Variants in SLC25A24 observed in about 807,000 individuals in gnomAD.
SLC25A24 encodes the protein mitochondrial adenyl nucleotide antiporter SLC25A24.
Under a neutral mutation model 60.7 loss-of-function variants are expected in SLC25A24, and 49 were observed. That is an observed-to-expected ratio of 0.81 (90% CI 0.64 to 1.02). The LOEUF is 1.02. SLC25A24 is among the 50% of genes least tolerant of loss of function. SLC25A24 has a pLI of 0.00. For missense variants in SLC25A24, 564 were observed against 586.3 expected, an observed-to-expected ratio of 0.96 and a Z score of 0.39; for synonymous variants, 202 against 200.6, an observed-to-expected ratio of 1.01 and a Z score of -0.06.
At chr1:108,142,720 A>G (rs1386330791) in intron 8 of SLC25A24, among the ~76,000 whole-genome samples, 1 of 152,196 alleles carries the variant, frequency 6.6e-6, no homozygotes, top group South Asian at 2.1e-4. Flanking sequence ...TGTGAATGTA[A>G]TTAATGCCAC....
At chr1:108,140,547 A>G (rs1160942306) in intron 8 of SLC25A24, among the ~76,000 whole-genome samples, 1 of 152,126 alleles carries the variant, frequency 6.6e-6, no homozygotes, top group Non-Finnish European at 1.5e-5. Flanking sequence ...TCAAAAACAA[A>G]ATTTAAACAG....
At chr1:108,145,427 T>G (rs1679559578) in intron 7 of SLC25A24, among the ~76,000 whole-genome samples, 1 of 152,216 alleles carries the variant, frequency 6.6e-6, no homozygotes, top group Non-Finnish European at 1.5e-5. Context: ...TTAGATCCCA[T>G]TTGTCAATTT....
intron 2 of SLC25A24, among the ~76,000 whole-genome samples, chr1:108,184,845 T>C (rs1648062538): frequency 6.6e-6 from 1 of 152,188 alleles, no homozygotes; most frequent in Non-Finnish European, 1.5e-5. Context: ...TCTCAATCTA[T>C]TTGTTTAACC....
In SLC25A24 at chr1:108,143,506, C is replaced by T. The variant is rs201353817; in HGVS notation, c.1098+37G>A. 230 of 1,564,156 alleles carry T rather than the reference C, an allele frequency of 1.5e-4. No individual in the cohort carries two copies. In the South Asian group the frequency reaches 1.5e-3, roughly 10 times the overall value. ...AAAGTCCAATTCTAACAAGATCTAA[C>T]TGCATTTTCCAATTCAAAAGATTTC... On this transcript the variant is annotated intron_variant, in intron 8 of 9. Transcript: ENST00000565488.
chr1:108,178,855 C>T (rs1647809254), intron 3 of SLC25A24, among the ~76,000 whole-genome samples: 1 of 151,786 alleles, frequency 6.6e-6, no homozygotes. Context: ...AGAGGTGCTT[C>T]AGCAAATTCA....
At chr1:108,141,777 C>T (rs557427843) in intron 8 of SLC25A24, among the ~76,000 whole-genome samples, 2 of 152,158 alleles carry the variant, frequency 1.3e-5, no homozygotes, top group Admixed American at 1.3e-4. Flanking sequence ...AGAAATACCA[C>T]ATGATTTCAC....
intron 1 of SLC25A24, among the ~76,000 whole-genome samples, chr1:108,197,163 C>A (rs1648521678): frequency 6.6e-6 from 1 of 152,104 alleles, no homozygotes; most frequent in East Asian, 1.9e-4. Flanking sequence ...CAGGACTTGC[C>A]TTGAATTCTT....
intron 3 of SLC25A24, among the ~76,000 whole-genome samples, chr1:108,170,765 A>G (rs1425448801): frequency 2.0e-5 from 3 of 151,952 alleles, no homozygotes; most frequent in Non-Finnish European, 4.4e-5. Context: ...TTTCAGTAAG[A>G]CTTTTATTTT....
chr1:108,163,705 G>A (rs1680160121), intron 3 of SLC25A24, among the ~76,000 whole-genome samples: 1 of 151,370 alleles, frequency 6.6e-6, no homozygotes, highest in Admixed American at 6.6e-5. Context: ...AGACAATGGG[G>A]TTTTCTATAT....
Position 108,193,962 on chromosome 1 carries a change from A to G in SLC25A24, c.183+5994T>C, listed in dbSNP as rs1043422496. Among the ~76,000 whole-genome samples the G allele has an allele frequency of 2.2e-5, 3 of 139,460 alleles. 1 individual carries two copies. The highest frequency in any genetic ancestry group is 4.7e-5 in the Non-Finnish European group (3 of 63,718). The allele number at this position is 139,460 out of a possible 152,430, so 91.5% of individuals were successfully genotyped here. A position where few individuals can be genotyped will look rare whatever the true frequency, so the allele number is the denominator to read the frequency against. On this transcript the variant is annotated intron_variant, in intron 1 of 9. Transcript: ENST00000565488. ...CAACACCTGTGCTCCCTCATCCTGC[A>G]CCACTGGGAATATGGAGGTGCAGTT...
chr1:108,200,280 G>T lies in SLC25A24; in HGVS notation c.-142C>A, dbSNP rs1004179520. ...GGGGCGCCGTCGGGGTTGCGGCTGC[G>T]GCGCGCAGGGCGCAGGGCGCAGGAG... On this transcript the variant is annotated 5_prime_UTR_variant, in exon 1 of 10. Coordinates refer to ENST00000565488, the MANE Select transcript of SLC25A24 (RefSeq NM_013386.5). The T allele has an allele frequency of 1.4e-6, 1 of 703,104 alleles. No homozygotes were observed. 43.6% of individuals were successfully genotyped at this position (703,104 alleles called of 1,614,324 possible).
chr1:108,155,104 A>G lies in SLC25A24; in HGVS notation c.701T>C (p.Ile234Thr), dbSNP rs931596898. The G allele has an allele frequency of 5.0e-6, 8 of 1,611,626 alleles. No individual in the cohort carries two copies. The highest frequency in any genetic ancestry group is 6.8e-6 in the Non-Finnish European group (8 of 1,178,992). Residue 234 changes from isoleucine (I) to threonine (T), a missense_variant, in exon 6 of 10, where the codon ATA becomes ACA. Physicochemically the swap from Ile to Thr is moderately conservative, Grantham distance 89. Coordinates refer to ENST00000565488, the MANE Select transcript of SLC25A24 (RefSeq NM_013386.5). ...VHGSKSDKMNIFGGFRQMVKE... is the reference protein window; with the variant it reads ...VHGSKSDKMNTFGGFRQMVKE... ...TACCATCTGTCGAAAGCCACCAAAT[A>G]TGTTCATTTTGTCTGATTTTGAACC...
chr1:108,179,068 A>C (rs1647816096), intron 3 of SLC25A24, among the ~76,000 whole-genome samples: 1 of 151,824 alleles, frequency 6.6e-6, no homozygotes, highest in South Asian at 2.1e-4. Context: ...TCAAATAAAC[A>C]ACCAAAAAAC....
Position 108,139,168 on chromosome 1 carries a change from G to C in SLC25A24, c.1139C>G (p.Ser380Cys), listed in dbSNP as rs748864382. 77 of 1,608,526 alleles carry C rather than the reference G, an allele frequency of 4.8e-5. No individual in the cohort carries two copies. Among genetic ancestry groups the C allele is most frequent in the Non-Finnish European group, 6.5e-5 (77 of 1,177,534 alleles). ...SYWLDNFAKD[S>C]VNPGVMVLLG... is the part of the protein sequence containing the mutation. The stretch of plus-strand genomic sequence containing the variant: ...CAACACCATGACTCCAGGGTTTACA[G>C]AATCTTTTGCAAAATTATCCAGCCA... The change falls in exon 9 of 10, where the codon TCT (serine) becomes TGT (cysteine). Residue 380 changes from serine to cysteine, a missense_variant. By Grantham distance (112) the Ser-to-Cys change is moderately radical. Coordinates refer to ENST00000565488, the MANE Select transcript of SLC25A24 (RefSeq NM_013386.5).
At chr1:108,190,188 G>A (rs1424304496) in intron 1 of SLC25A24, among the ~76,000 whole-genome samples, 2 of 152,158 alleles carry the variant, frequency 1.3e-5, no homozygotes, top group Non-Finnish European at 2.9e-5. Flanking sequence ...TGAGAAAAAG[G>A]GAAGGCTTCA....
At chr1:108,171,785 C>T (rs75540069) in intron 3 of SLC25A24, among the ~76,000 whole-genome samples, 7,841 of 152,278 alleles carry the variant, frequency 0.051, 276 homozygotes, top group South Asian at 0.1. Context: ...CACATGTTAA[C>T]TCATTTAATC....
At chr1:108,191,668 TAGAA>T (rs1648347276) in intron 1 of SLC25A24, among the ~76,000 whole-genome samples, 3 of 139,280 alleles carry the variant, frequency 2.2e-5, no homozygotes, top group South Asian at 5.4e-4. Flanking sequence ...ACATGGCTAA[TAGAA>T]AGAGTTTTAC....
At chr1:108,138,923 G>C in intron 9 of SLC25A24, 135 bp downstream of exon 9, 1 of 853,302 alleles carries the variant, frequency 1.2e-6, no homozygotes, top group Non-Finnish European at 1.7e-6. Context: ...GATTCCTTAA[G>C]GAGGCAATAA....
At chr1:108,181,849 G>A in intron 3 of SLC25A24, 92 bp downstream of exon 3, 1 of 852,466 alleles carries the variant, frequency 1.2e-6, no homozygotes, top group African/African-American at 1.7e-5. Flanking sequence ...ATGAAGACTA[G>A]GGAGGTGTTT....
Sources: gnomAD v4.1 joint callset for allele counts (sites outside exome capture counted in the v4.1 genomes callset) on GRCh38, gnomAD v4.1.1 for gene constraint, MANE v1.5 for transcripts, NCBI Gene and HGNC (gene_info 2026-07-23, HGNC 2026-07-21) for gene names.